DSCAM: variants seen among roughly 807,000 people sequenced by gnomAD.
DSCAM encodes the protein DS cell adhesion molecule, also known as cell adhesion molecule DSCAM.
In DSCAM, 47 loss-of-function variants were observed where a neutral mutation model predicts 217.7. The observed-to-expected ratio is 0.22, with a 90% CI of 0.17 to 0.28. DSCAM has a LOEUF of 0.28. DSCAM is among the 10% of genes least tolerant of loss of function. DSCAM has a pLI of 1.00. For missense variants in DSCAM, 2,080 were observed against 2,618.3 expected, an observed-to-expected ratio of 0.79 and a Z score of 4.49; for synonymous variants, 1,056 against 1,015.3, an observed-to-expected ratio of 1.04 and a Z score of -0.76.
chr21:40,560,967 T>G (rs1272604793), intron 3 of DSCAM, among the ~76,000 whole-genome samples: 3 of 152,182 alleles, frequency 2.0e-5, no homozygotes, highest in Admixed American at 6.5e-5. Context: ...TATGCTTATG[T>G]AAAAATCCCA....
intron 3 of DSCAM, among the ~76,000 whole-genome samples, chr21:40,371,954 T>C (rs1356307758): frequency 6.6e-6 from 1 of 152,222 alleles, no homozygotes; most frequent in Non-Finnish European, 1.5e-5. Context: ...TAGTCCTTCA[T>C]TTCTCAATTT....
At chr21:40,790,744 C>T (rs1160294352) in intron 1 of DSCAM, among the ~76,000 whole-genome samples, 1 of 151,778 alleles carries the variant, frequency 6.6e-6, no homozygotes, top group Non-Finnish European at 1.5e-5. Context: ...GCATACAGCA[C>T]AAAAAATAAA....
intron 3 of DSCAM, among the ~76,000 whole-genome samples, chr21:40,574,904 C>T (rs1036477769): frequency 6.6e-6 from 1 of 152,080 alleles, no homozygotes. Context: ...TGCAATAAAA[C>T]ATTAGTAATC....
In DSCAM at chr21:40,144,785, G is replaced by A. The variant is rs550645431; in HGVS notation, c.3019-54C>T. On this transcript the variant is annotated intron_variant, in intron 16 of 32. Transcript: ENST00000400454. The surrounding 1 kb of genome is among the most constrained non-coding windows in gnomAD (Gnocchi z 4.8). ...AGAAGTCTTGAGGTAGGACAAGAGC[G>A]AAATCAACGCCCACACCCACGTAGG... is the stretch of plus-strand genomic sequence containing the variant. 4.3e-4 allele frequency: 694 copies of A among 1,605,606 alleles called. No individual in the cohort carries two copies. The highest frequency in any genetic ancestry group is 5.6e-4 in the Non-Finnish European group (658 of 1,176,216).
chr21:40,634,544 CGAT>C (rs1199572491), intron 3 of DSCAM, among the ~76,000 whole-genome samples: 1 of 152,194 alleles, frequency 6.6e-6, no homozygotes, highest in Non-Finnish European at 1.5e-5. Flanking sequence ...AGATGCAACA[CGAT>C]GGCCATACTT....
At chr21:40,751,431 G>A (rs2091227205) in intron 1 of DSCAM, among the ~76,000 whole-genome samples, 1 of 152,180 alleles carries the variant, frequency 6.6e-6, no homozygotes, top group South Asian at 2.1e-4. Context: ...GAAACCATGT[G>A]TGGCACTCAG....
rs184784157 is a variant in DSCAM at position 40,641,864 on chromosome 21, A to G, written c.508+50946T>C. ...GGAGTTCGAGACCACCCTGGCCAACATGGTGAAACCCCGTCTCTACTAAAA... is the reference window on the plus strand; with the variant it reads ...GGAGTTCGAGACCACCCTGGCCAACGTGGTGAAACCCCGTCTCTACTAAAA... On this transcript the variant is annotated intron_variant, in intron 3 of 32. Coordinates refer to ENST00000400454, the MANE Select transcript of DSCAM (RefSeq NM_001389.5). Among the ~76,000 whole-genome samples the G allele has an allele frequency of 1.8e-3, 267 of 152,204 alleles. 2 individuals are homozygous for G. The highest frequency in any genetic ancestry group is 9.1e-3 in the South Asian group (44 of 4,816).
rs542676708 is a variant in DSCAM, at chr21:40,498,803, A to G, written c.509-129558T>C. ...TGTGTATATATATATATATATATAT[A>G]TATATATATATATATACCCATCACT... On this transcript the variant is annotated intron_variant, in intron 3 of 32. Coordinates refer to ENST00000400454, the MANE Select transcript of DSCAM (RefSeq NM_001389.5). 1.0e-4 allele frequency among the ~76,000 whole-genome samples: 4 copies of G among 39,950 alleles called. 1 individual carries two copies. The highest frequency in any genetic ancestry group is 2.7e-4 in the African/African-American group (2 of 7,278). The allele number at this position is 39,950 out of a possible 152,430, so 26.2% of individuals were successfully genotyped here. A position where few individuals can be genotyped will look rare whatever the true frequency, so the allele number is the denominator to read the frequency against.
At chr21:40,660,656 T>C (rs1404998239) in intron 3 of DSCAM, among the ~76,000 whole-genome samples, 1 of 152,124 alleles carries the variant, frequency 6.6e-6, no homozygotes, top group Admixed American at 6.5e-5. Flanking sequence ...ATGCAGAGTA[T>C]GGTAACATTT....
At chr21:40,620,917 C>T (rs1020220760) in intron 3 of DSCAM, among the ~76,000 whole-genome samples, 1 of 152,178 alleles carries the variant, frequency 6.6e-6, no homozygotes, top group Non-Finnish European at 1.5e-5. Flanking sequence ...ACTCAGCGTG[C>T]ACTGATGCGT....
chr21:40,411,576 A>G (rs2075323781), intron 3 of DSCAM, among the ~76,000 whole-genome samples: 1 of 152,192 alleles, frequency 6.6e-6, no homozygotes, highest in African/African-American at 2.4e-5. Flanking sequence ...GCAAAAAGAT[A>G]TAAAAAATAA....
chr21:40,296,348 G>C (rs558183954), intron 9 of DSCAM, among the ~76,000 whole-genome samples, 174 bp from the exon 10 acceptor site: 55 of 152,322 alleles, frequency 3.6e-4, no homozygotes, highest in African/African-American at 1.2e-3. Flanking sequence ...AGTAATTTCA[G>C]TGCTGAAAAA....
At chr21:40,312,494 T>G in intron 8 of DSCAM, 135 bp from the exon 9 acceptor site, 1 of 997,040 alleles carries the variant, frequency 1.0e-6, no homozygotes, top group Non-Finnish European at 1.4e-6. Context: ...CTGTAGCAAA[T>G]TTGAAATTCT....
chr21:40,724,808 G>C (rs13051657), intron 1 of DSCAM, among the ~76,000 whole-genome samples: 3 of 152,148 alleles, frequency 2.0e-5, no homozygotes, highest in African/African-American at 7.2e-5. Flanking sequence ...CTAATACACT[G>C]TTGAGCATTA....
intron 11 of DSCAM, among the ~76,000 whole-genome samples, chr21:40,257,301 A>G (rs1250450347): frequency 6.6e-6 from 1 of 152,194 alleles, no homozygotes; most frequent in Non-Finnish European, 1.5e-5. Context: ...GAAACCTAAT[A>G]AAATACAAGT....
At chr21:40,563,638 A>G (rs971861032) in intron 3 of DSCAM, among the ~76,000 whole-genome samples, 1 of 136,960 alleles carries the variant, frequency 7.3e-6, no homozygotes, top group Non-Finnish European at 1.6e-5. Flanking sequence ...TTATATGTGT[A>G]TATATAGTTA....
chr21:40,520,843 T>C (rs1399591121), intron 3 of DSCAM, among the ~76,000 whole-genome samples: 2 of 152,042 alleles, frequency 1.3e-5, no homozygotes, highest in Non-Finnish European at 2.9e-5. Context: ...ATATATGTAG[T>C]GTGATGTAGT....
At chr21:40,530,803 T>C (rs1047814935) in intron 3 of DSCAM, among the ~76,000 whole-genome samples, 2 of 152,058 alleles carry the variant, frequency 1.3e-5, no homozygotes, top group Non-Finnish European at 2.9e-5. Flanking sequence ...CCTCCCTGTT[T>C]TCTTCACTCT....
chr21:40,439,847 C>G (rs897113849), intron 3 of DSCAM, among the ~76,000 whole-genome samples: 2 of 152,092 alleles, frequency 1.3e-5, no homozygotes, highest in Non-Finnish European at 2.9e-5. Flanking sequence ...ATCACGAGAA[C>G]AGCATGGAAA....
Sources: allele counts gnomAD v4.1 joint callset (sites outside exome capture counted in the v4.1 genomes callset), GRCh38; gene constraint gnomAD v4.1.1; non-coding constraint Gnocchi (gnomAD v3.1); transcripts MANE v1.5; gene names NCBI Gene and HGNC (gene_info 2026-07-23, HGNC 2026-07-21).